The following C6orf89 variants were observed in gnomAD, a reference collection of about 807,000 sequenced individuals.
C6orf89 encodes chromosome 6 open reading frame 89.
In C6orf89, 29 loss-of-function variants were observed where a neutral mutation model predicts 40.7. The ratio of observed to expected loss-of-function variants is 0.71; its 90% CI spans 0.53 to 0.97. The LOEUF is 0.97. Ranked by LOEUF, C6orf89 falls within the 50% of genes least tolerant of loss-of-function variation. C6orf89 has a pLI of 0.00. For missense variants in C6orf89, 392 were observed against 429.1 expected (o/e 0.91, Z 0.76); for synonymous variants, 165 against 152.2 (o/e 1.08, Z -0.62).
intron 4 of C6orf89, among the ~76,000 whole-genome samples, chr6:36,905,080 T>C (rs1761877241): frequency 6.6e-6 from 1 of 152,154 alleles, no homozygotes; most frequent in Non-Finnish European, 1.5e-5. Context: ...AATAAGTAAA[T>C]AAACTGACAG....
At chr6:36,893,199 G>A (rs1761287390) in intron 1 of C6orf89, among the ~76,000 whole-genome samples, 2 of 152,042 alleles carry the variant, frequency 1.3e-5, no homozygotes, top group South Asian at 2.1e-4. Context: ...CTCCCAAAGT[G>A]CTGGGATTAC....
At chr6:36,874,008 G>C (rs924219608) in intron 1 of C6orf89, among the ~76,000 whole-genome samples, 5 of 152,186 alleles carry the variant, frequency 3.3e-5, no homozygotes, top group East Asian at 1.9e-4. Context: ...GGAATGAATA[G>C]AGCTAAAGGA....
chr6:36,899,875 ATTTG>A (rs999035208), intron 3 of C6orf89, among the ~76,000 whole-genome samples: 12 of 152,076 alleles, frequency 7.9e-5, no homozygotes, highest in Non-Finnish European at 1.2e-4. Context: ...ATTTTTTATT[ATTTG>A]TTTGTTTGTT....
At chr6:36,918,088 G>C (rs1305617932) in intron 7 of C6orf89, among the ~76,000 whole-genome samples, 1 of 152,110 alleles carries the variant, frequency 6.6e-6, no homozygotes, top group Non-Finnish European at 1.5e-5. Context: ...CTGGGCCCTG[G>C]GCCCTGGGCC....
intron 3 of C6orf89, among the ~76,000 whole-genome samples, chr6:36,901,797 A>G (rs543518015): frequency 1.1e-4 from 16 of 151,622 alleles, no homozygotes; most frequent in African/African-American, 3.9e-4. Flanking sequence ...CAGCCTCCCA[A>G]GTAGCTGGGA....
intron 4 of C6orf89, among the ~76,000 whole-genome samples, chr6:36,906,591 G>A (rs924009912): frequency 7.9e-5 from 12 of 152,172 alleles, no homozygotes; most frequent in Admixed American, 1.3e-4. Context: ...GACTTTCTCT[G>A]TGGTTTGGAG....
chr6:36,920,874 T>A (rs1480444858), intron 8 of C6orf89, among the ~76,000 whole-genome samples: 1 of 152,132 alleles, frequency 6.6e-6, no homozygotes, highest in Non-Finnish European at 1.5e-5. Flanking sequence ...ATTTTACAAA[T>A]GCCTAACAAT....
chr6:36,882,527 C>A (rs915665660), upstream of C6orf89, among the ~76,000 whole-genome samples: 71 of 152,202 alleles, frequency 4.7e-4, no homozygotes, highest in African/African-American at 1.6e-3. Flanking sequence ...TGTTATTAAA[C>A]GTTCTGGAAA....
At chr6:36,874,615 TG>T in intron 1 of C6orf89, 1 of 1,474,856 alleles carries the variant, frequency 6.8e-7, no homozygotes, top group Non-Finnish European at 9.4e-7. Flanking sequence ...CCCCTCCACG[TG>T]GAGGCCGGCC....
At chr6:36,871,900 G>A in exon 1 of C6orf89, 2 of 1,545,280 alleles carry the variant, frequency 1.3e-6, no homozygotes, top group Non-Finnish European at 1.7e-6. Flanking sequence ...AACAGCTCCA[G>A]TAAACAAAAA....
intron 4 of C6orf89, among the ~76,000 whole-genome samples, chr6:36,909,857 G>A (rs576758315): frequency 3.3e-5 from 5 of 151,252 alleles, no homozygotes; most frequent in Admixed American, 6.6e-5. Flanking sequence ...TATTTGTCTC[G>A]TATATGCAAA....
intron 4 of C6orf89, among the ~76,000 whole-genome samples, chr6:36,907,084 C>G (rs1761956600): frequency 6.6e-6 from 1 of 152,180 alleles, no homozygotes; most frequent in Non-Finnish European, 1.5e-5. Context: ...CTTCCTCCCT[C>G]TCCCCAACTT....
chr6:36,881,365 G>A (rs1774801816), upstream of C6orf89, among the ~76,000 whole-genome samples: 1 of 152,190 alleles, frequency 6.6e-6, no homozygotes, highest in Non-Finnish European at 1.5e-5. Flanking sequence ...ACAAGTTGTG[G>A]AAGGTTTATA....
chr6:36,906,823 T>C (rs776364380), intron 4 of C6orf89, among the ~76,000 whole-genome samples: 2 of 152,222 alleles, frequency 1.3e-5, no homozygotes, highest in East Asian at 3.8e-4. Flanking sequence ...CCTGATTAAA[T>C]ATTGAGCACA....
chr6:36,928,924 G>A lies in C6orf89; in HGVS notation c.*5483G>A, dbSNP rs1477842516. On this transcript the variant is annotated 3_prime_UTR_variant, in exon 9 of 9. Transcript: ENST00000480824. The stretch of plus-strand genomic sequence containing the variant: ...GTAAATTAAAGTTTATTGTAATGAA[G>A]GTTTTTACTTTTTGCAATTAAAAGT... The A allele has an allele frequency of 6.6e-6, 1 of 152,214 alleles. No individual in the cohort carries two copies. The highest frequency in any genetic ancestry group is 1.5e-5 in the Non-Finnish European group (1 of 68,040). The allele number at this position is 152,214 out of a possible 1,614,324, so 9.4% of individuals were successfully genotyped here. A position where few individuals can be genotyped will look rare whatever the true frequency, so the allele number is the denominator to read the frequency against.
chr6:36,872,169 T>C (rs1774524684), intron 1 of C6orf89, among the ~76,000 whole-genome samples: 1 of 152,070 alleles, frequency 6.6e-6, no homozygotes, highest in Non-Finnish European at 1.5e-5. Context: ...TATATAGCTA[T>C]ATCTGATTAT....
chr6:36,886,437 G>A (rs75122617), intron 1 of C6orf89, among the ~76,000 whole-genome samples: 1 of 152,148 alleles, frequency 6.6e-6, no homozygotes, highest in African/African-American at 2.4e-5. Flanking sequence ...TCGTTAGGGG[G>A]CAATAATTTT....
upstream of C6orf89, among the ~76,000 whole-genome samples, chr6:36,882,985 C>T (rs1467239787): frequency 3.3e-5 from 5 of 151,716 alleles, no homozygotes; most frequent in South Asian, 2.1e-4. Context: ...ATGATCCACC[C>T]GCCTCGGCCT....
upstream of C6orf89, among the ~76,000 whole-genome samples, chr6:36,881,258 T>C (rs901680389): frequency 6.6e-6 from 1 of 152,202 alleles, no homozygotes; most frequent in African/African-American, 2.4e-5. Context: ...GAAATGTGTT[T>C]TTTGTAAGAG....
Sources: allele counts gnomAD v4.1 joint callset (sites outside exome capture counted in the v4.1 genomes callset), GRCh38; gene constraint gnomAD v4.1.1; transcripts MANE v1.5; gene names NCBI Gene and HGNC (gene_info 2026-07-23, HGNC 2026-07-21).